Variants in BCAS3 observed in about 807,000 individuals in gnomAD.
BCAS3 encodes the protein BCAS3 microtubule associated cell migration factor.
Under a neutral mutation model 116.1 loss-of-function variants are expected in BCAS3, and 53 were observed. That is an observed-to-expected ratio of 0.46 (90% CI 0.37 to 0.57). The LOEUF (loss-of-function observed/expected upper bound fraction) is 0.57, where lower values mean the gene tolerates loss of function less well. Ranked by LOEUF, BCAS3 falls within the 20% of genes least tolerant of loss-of-function variation. The pLI, the probability that BCAS3 is intolerant of heterozygous loss-of-function variation, is 0.00. For missense variants in BCAS3, 917 were observed against 1,165.4 expected, an observed-to-expected ratio of 0.79 and a Z score of 3.10; for synonymous variants, 391 against 408.2, an observed-to-expected ratio of 0.96 and a Z score of 0.51.
chr17:60,741,716 T>C (rs2041562218), intron 5 of BCAS3, among the ~76,000 whole-genome samples: 1 of 152,216 alleles, frequency 6.6e-6, no homozygotes, highest in Admixed American at 6.5e-5. Flanking sequence ...ACACTAAATA[T>C]TGGCTAGGAT....
intron 7 of BCAS3, among the ~76,000 whole-genome samples, chr17:60,809,887 C>G (rs1411015326): frequency 1.3e-5 from 2 of 152,192 alleles, no homozygotes; most frequent in Middle Eastern, 3.4e-3. Flanking sequence ...TGGCCAGACC[C>G]TGAAAGTCAG....
chr17:60,976,441 A>AT (rs111599193), intron 14 of BCAS3, among the ~76,000 whole-genome samples: 104 of 128,872 alleles, frequency 8.1e-4, no homozygotes, highest in Middle Eastern at 4.1e-3. Context: ...ATATATATAT[A>AT]TTTTTTTTTT....
At position 61,391,940 on chromosome 17, in the gene BCAS3, A is replaced by G. The variant is rs1287854085; in HGVS notation, c.2594-37A>G. The G allele has an allele frequency of 2.1e-5, 34 of 1,604,882 alleles. No homozygotes were observed. The highest frequency in any genetic ancestry group is 2.4e-5 in the Non-Finnish European group (28 of 1,176,118). On this transcript the variant is annotated intron_variant, in intron 23 of 23. Coordinates refer to ENST00000407086, the MANE Select transcript of BCAS3 (RefSeq NM_017679.5). This position sits in a 1 kb window ranked among gnomAD's most constrained non-coding sequence, Gnocchi z 7.7. Reference sequence around the variant, plus strand: ...ATGGTGCCCCCACTCCCCAGACCCAACTCTAACCAGGCCTGGCCCTCTCCT... The same window carrying G: ...ATGGTGCCCCCACTCCCCAGACCCAGCTCTAACCAGGCCTGGCCCTCTCCT...
rs572555804 is a variant in BCAS3, at chr17:61,083,721, G to A, written c.2328-746G>A. ...AGCAGTTCTCCTGCCTCAGCCTCTT[G>A]AGTAGCTGGGACTATAGGTGCATGC... On this transcript the variant is annotated intron_variant, in intron 21 of 23. Transcript: ENST00000407086. This position sits in a 1 kb window ranked among gnomAD's most constrained non-coding sequence, Gnocchi z 4.9. Among the ~76,000 whole-genome samples, 1 of 151,188 alleles carries A rather than the reference G, an allele frequency of 6.6e-6. No individual in the cohort carries two copies. Among genetic ancestry groups the A allele is most frequent in the Non-Finnish European group, 1.5e-5 (1 of 67,932 alleles).
rs1025413990 is a variant in BCAS3 at position 61,214,735 on chromosome 17, G to A, written c.2425+130171G>A. On this transcript the variant is annotated intron_variant, in intron 22 of 23. Coordinates refer to ENST00000407086, the MANE Select transcript of BCAS3 (RefSeq NM_017679.5). This position sits in a 1 kb window ranked among gnomAD's most constrained non-coding sequence, Gnocchi z 4.4. ...AAAAAATTCAAAAACATTTTTTAAT[G>A]AACTATAGGGATATTTTGATGGACT... 1.3e-5 allele frequency among the ~76,000 whole-genome samples: 2 copies of A among 152,126 alleles called. No individual in the cohort carries two copies. Among genetic ancestry groups the A allele is most frequent in the Non-Finnish European group, 2.9e-5 (2 of 68,012 alleles).
chr17:60,894,269 G>GT (rs1301246128), intron 10 of BCAS3, among the ~76,000 whole-genome samples: 1 of 151,842 alleles, frequency 6.6e-6, no homozygotes, highest in Non-Finnish European at 1.5e-5. Flanking sequence ...GTGTTTTGTA[G>GT]TTTTTTCTTG....
At chr17:60,851,060 G>A (rs1337399115) in intron 7 of BCAS3, among the ~76,000 whole-genome samples, 3 of 152,056 alleles carry the variant, frequency 2.0e-5, no homozygotes, top group Non-Finnish European at 2.9e-5. Context: ...CACCGAAAGC[G>A]CAATCATAAA....
At chr17:60,899,938 G>A (rs1248848368) in intron 10 of BCAS3, 1 of 152,458 alleles carries the variant, frequency 6.6e-6, no homozygotes, top group Non-Finnish European at 1.5e-5. Flanking sequence ...TTGGGAGGCA[G>A]AGGTAGGAAG....
At chr17:60,680,537 A>G (rs1016430769) in intron 2 of BCAS3, among the ~76,000 whole-genome samples, 1 of 152,152 alleles carries the variant, frequency 6.6e-6, no homozygotes, top group African/African-American at 2.4e-5. Context: ...GTTTCAAAGT[A>G]AGTGTCATAG....
At chr17:61,147,700 G>A (rs1250248831) in intron 22 of BCAS3, among the ~76,000 whole-genome samples, 2 of 152,120 alleles carry the variant, frequency 1.3e-5, no homozygotes, top group South Asian at 2.1e-4. Flanking sequence ...AAATGTATAA[G>A]TTGGGGCGGG....
intron 5 of BCAS3, among the ~76,000 whole-genome samples, chr17:60,717,396 AG>A (rs1392964884): frequency 2.6e-5 from 4 of 151,862 alleles, no homozygotes; most frequent in African/African-American, 7.2e-5. Flanking sequence ...TTGTATTTTT[AG>A]TAGAGACGGG....
chr17:60,756,468 C>T (rs1465507213), intron 6 of BCAS3, among the ~76,000 whole-genome samples: 2 of 152,196 alleles, frequency 1.3e-5, no homozygotes, highest in African/African-American at 4.8e-5. Context: ...TCATCCTATT[C>T]TCTGTCTCCA....
At chr17:60,977,018 G>A (rs952367059) in intron 14 of BCAS3, among the ~76,000 whole-genome samples, 2 of 151,898 alleles carry the variant, frequency 1.3e-5, no homozygotes, top group Non-Finnish European at 2.9e-5. Flanking sequence ...GGGCGGCCGG[G>A]CAGAGGCGCC....
intron 22 of BCAS3, among the ~76,000 whole-genome samples, chr17:61,123,345 G>A (rs1227456922): frequency 1.3e-5 from 2 of 151,922 alleles, no homozygotes; most frequent in East Asian, 1.9e-4. Flanking sequence ...TGCCAATATC[G>A]CTGTTCCCCC....
intron 14 of BCAS3, among the ~76,000 whole-genome samples, chr17:60,969,969 C>T (rs1037967801): frequency 1.3e-5 from 2 of 152,110 alleles, no homozygotes; most frequent in Non-Finnish European, 2.9e-5. Context: ...GCAGTAAAGG[C>T]GAGACATCCA....
chr17:60,689,673 G>GT lies in BCAS3; in HGVS notation c.139-10dup, dbSNP rs752762362. 1 of 1,566,974 alleles carries GT rather than the reference G, an allele frequency of 6.4e-7. No individual in the cohort carries two copies. Among genetic ancestry groups the GT allele is most frequent in the African/African-American group, 1.4e-5 (1 of 73,562 alleles). On this transcript the variant is annotated splice_polypyrimidine_tract_variant and intron_variant, in intron 3 of 23. Transcript: ENST00000407086. Reference sequence around the variant, plus strand: ...AAAATATGTTTATTCAAATGTTTCTGTTTACTATGCAGGCTTACAGTGGAA... The same window carrying GT: ...AAAATATGTTTATTCAAATGTTTCTGTTTTACTATGCAGGCTTACAGTGGAA...
intron 19 of BCAS3, among the ~76,000 whole-genome samples, chr17:61,042,735 A>G (rs2067616694): frequency 6.6e-6 from 1 of 151,078 alleles, no homozygotes; most frequent in African/African-American, 2.4e-5. Flanking sequence ...TAAAAATACG[A>G]AAAAATTAGC....
At chr17:60,835,986 A>G (rs1169652972) in intron 7 of BCAS3, among the ~76,000 whole-genome samples, 4 of 152,124 alleles carry the variant, frequency 2.6e-5, no homozygotes, top group African/African-American at 9.7e-5. Context: ...TAAAAAATGG[A>G]TTCTCTAAAA....
rs540156882 is a variant in BCAS3 at position 61,020,718 on chromosome 17, A to G, written c.1637+4817A>G. Among the ~76,000 whole-genome samples, 1 of 152,192 alleles carries G rather than the reference A, an allele frequency of 6.6e-6. No homozygotes were observed. The highest frequency in any genetic ancestry group is 1.5e-5 in the Non-Finnish European group (1 of 68,026). On this transcript the variant is annotated intron_variant, in intron 16 of 23. Transcript: ENST00000407086. This position sits in a 1 kb window ranked among gnomAD's most constrained non-coding sequence, Gnocchi z 4.5. ...TTTGGCATTATCAAGTGAGTGATCAAGTTTTAAAAAATATTTTCTATGTAA... is the reference window on the plus strand; with the variant it reads ...TTTGGCATTATCAAGTGAGTGATCAGGTTTTAAAAAATATTTTCTATGTAA...
Sources: allele counts gnomAD v4.1 joint callset (sites outside exome capture counted in the v4.1 genomes callset), GRCh38; gene constraint gnomAD v4.1.1; non-coding constraint Gnocchi (gnomAD v3.1); transcripts MANE v1.5; gene names NCBI Gene and HGNC (gene_info 2026-07-23, HGNC 2026-07-21).